The following DMTN variants were observed in gnomAD, a reference collection of about 807,000 sequenced individuals.
DMTN encodes the protein dematin actin binding protein, also known as dematin.
In DMTN, 27 loss-of-function variants were observed where a neutral mutation model predicts 59.4. The observed-to-expected ratio is 0.45, with a 90% CI of 0.33 to 0.63. The LOEUF is 0.63. Ranked by LOEUF, DMTN falls within the 20% of genes least tolerant of loss-of-function variation. The pLI is 0.02. For synonymous variants in DMTN, 221 were observed against 203.7 expected (o/e 1.08, Z -0.72); for missense variants, 451 against 528.9 (o/e 0.85, Z 1.45).
At position 22,067,078 on chromosome 8, in the gene DMTN, T is replaced by A; in HGVS notation, c.19-7T>A. 6 of 1,518,978 alleles carry A rather than the reference T, an allele frequency of 4.0e-6. No homozygotes were observed. The highest frequency in any genetic ancestry group is 4.4e-6 in the Non-Finnish European group (5 of 1,124,890). The allele number at this position is 1,518,978 out of a possible 1,614,324, so 94.1% of individuals were successfully genotyped here. On this transcript the variant is annotated splice_region_variant and splice_polypyrimidine_tract_variant and intron_variant, in intron 2 of 15. Coordinates refer to ENST00000358242, the MANE Select transcript of DMTN (RefSeq NM_001387751.1). ...TGCCCACCCGCCCGCCTTCTCGCTC[T>A]CCCCAGCAACCACTTACCTCCCCCG...
upstream of DMTN, among the ~76,000 whole-genome samples, chr8:22,053,365 C>A (rs572689476): frequency 1.3e-4 from 20 of 152,314 alleles, no homozygotes; most frequent in African/African-American, 4.8e-4. Context: ...GCACATGGCT[C>A]CCAATCTCTG....
chr8:22,057,647 G>A (rs1803433244), intron 1 of DMTN, among the ~76,000 whole-genome samples: 1 of 152,158 alleles, frequency 6.6e-6, no homozygotes, highest in Non-Finnish European at 1.5e-5. Flanking sequence ...GGGTGGGGCT[G>A]AGTGAAGAGT....
chr8:22,065,181 A>G (rs1476061772), intron 1 of DMTN, among the ~76,000 whole-genome samples: 1 of 152,178 alleles, frequency 6.6e-6, no homozygotes, highest in Non-Finnish European at 1.5e-5. Context: ...CTACAGCTGC[A>G]TATCACTACA....
intron 12 of DMTN, 62 bp downstream of exon 12, chr8:22,080,522 C>T (rs763870915): frequency 6.8e-6 from 11 of 1,613,962 alleles, no homozygotes; most frequent in East Asian, 2.2e-5. Flanking sequence ...CCTGGGCAGC[C>T]GGGGTCTGGG....
chr8:22,075,302 C>T (rs1818874547), intron 10 of DMTN, among the ~76,000 whole-genome samples: 1 of 151,572 alleles, frequency 6.6e-6, no homozygotes, highest in South Asian at 2.1e-4. Flanking sequence ...GCTAGACCCT[C>T]CTCCTCCCCC....
rs576386712 is a variant in DMTN, at chr8:22,070,219, C to T, written c.489C>T (p.Ile163=). ...VGGSPQTKHL[I]EDLIIESSKF... Reference sequence around the variant, plus strand: ...GCAGCCCTCAGACCAAGCACCTCATCGAGGATCTCATCATCGAGTCATCCA... The same window carrying T: ...GCAGCCCTCAGACCAAGCACCTCATTGAGGATCTCATCATCGAGTCATCCA... Residue 163 remains isoleucine, a synonymous_variant, in exon 8 of 16, where the codon ATC becomes ATT. Transcript: ENST00000358242. The T allele has an allele frequency of 6.9e-5, 111 of 1,608,414 alleles. No individual in the cohort carries two copies. In the South Asian group the frequency reaches 9.9e-4, roughly 14 times the overall value.
rs1204875211 is a variant in DMTN, at chr8:22,082,259, A to G, written c.*796A>G. The G allele has an allele frequency of 2.2e-6, 1 of 456,408 alleles. No individual in the cohort carries two copies. The highest frequency in any genetic ancestry group is 2.0e-5 in the African/African-American group (1 of 49,930). 28.3% of individuals were successfully genotyped at this position (456,408 alleles called of 1,614,324 possible). On this transcript the variant is annotated 3_prime_UTR_variant, in exon 16 of 16. Transcript: ENST00000358242. ...GTCCTGGCTACCAGCTCTCACCTAC[A>G]CCCACGCACCCCCCCACACACTATG...
Position 22,067,593 on chromosome 8 carries a change from C to T in DMTN, c.160C>T (p.Leu54=). Residue 54 remains leucine (L), a synonymous_variant, in exon 4 of 16, where the codon CTG becomes TTG. Coordinates refer to ENST00000358242, the MANE Select transcript of DMTN (RefSeq NM_001387751.1). ...TGCCATCCCCAAGGACAAGGCCATC[C>T]TGGACATCGAGCGGCCCGACCTCAT... ...LAAIPKDKAI[L]DIERPDLMIY... is the part of the protein sequence containing the mutation. 1 of 1,614,212 alleles carries T rather than the reference C, an allele frequency of 6.2e-7. No homozygotes were observed. The highest frequency in any genetic ancestry group is 8.5e-7 in the Non-Finnish European group (1 of 1,180,042).
chr8:22,080,065 C>T (rs977831957), intron 10 of DMTN, 115 bp from the exon 11 acceptor site: 1 of 1,209,658 alleles, frequency 8.3e-7, no homozygotes, highest in Non-Finnish European at 1.2e-6. Flanking sequence ...CAGGTTCCCC[C>T]CAGCGTGATC....
At chr8:22,070,027 G>T in intron 7 of DMTN, 90 bp downstream of exon 7, 1 of 1,579,250 alleles carries the variant, frequency 6.3e-7, no homozygotes, top group South Asian at 1.1e-5. Context: ...GAGGGGGTCG[G>T]GAGGATAGCA....
chr8:22,050,853 G>A (rs1233176968), upstream of DMTN, among the ~76,000 whole-genome samples: 1 of 152,204 alleles, frequency 6.6e-6, no homozygotes, highest in Non-Finnish European at 1.5e-5. Context: ...CAGTGTCCAG[G>A]CACTGCCATT....
At chr8:22,080,306 G>A in intron 11 of DMTN, 62 bp downstream of exon 11, 1 of 1,613,476 alleles carries the variant, frequency 6.2e-7, no homozygotes, top group Non-Finnish European at 8.5e-7. Flanking sequence ...GGGTGCTGAG[G>A]GACTGAGCCA....
At chr8:22,065,827 CT>C (rs76626050) in intron 1 of DMTN, among the ~76,000 whole-genome samples, 29 of 74,588 alleles carry the variant, frequency 3.9e-4, no homozygotes, top group African/African-American at 1.5e-3. Flanking sequence ...AGAGCAAGAC[CT>C]TTTTTTTTTT....
intron 1 of DMTN, among the ~76,000 whole-genome samples, chr8:22,059,674 TGAG>T (rs1407614705): frequency 1.3e-5 from 2 of 152,164 alleles, no homozygotes; most frequent in Non-Finnish European, 2.9e-5. Context: ...CATCTCTAAA[TGAG>T]GAGAATGTCG....
At chr8:22,069,841 A>G in intron 6 of DMTN, 40 bp from the exon 7 acceptor site, 2 of 1,608,664 alleles carry the variant, frequency 1.2e-6, no homozygotes, top group Non-Finnish European at 1.7e-6. Context: ...CCTCCCTGCC[A>G]TCAGCATGTC....
chr8:22,065,330 T>G (rs906700698), intron 1 of DMTN, among the ~76,000 whole-genome samples: 5 of 152,238 alleles, frequency 3.3e-5, no homozygotes, highest in Non-Finnish European at 5.9e-5. Context: ...CTCCTGCGAT[T>G]AGCAGTCTGT....
intron 14 of DMTN, 29 bp from the exon 15 acceptor site, chr8:22,081,084 C>T: frequency 1.3e-6 from 2 of 1,570,276 alleles, no homozygotes; most frequent in Non-Finnish European, 1.8e-6. Flanking sequence ...ATTCTGTGAG[C>T]CTAAGATTGC....
rs1247770546 is a variant in DMTN, at chr8:22,056,998, TC to T, written c.-308del. On this transcript the variant is annotated 5_prime_UTR_variant, in exon 1 of 16. Transcript: ENST00000358242. ...CCGGCATTTTTCCTGTTATTTGTGCTCCGGGGAAGCGCCGCGGGGTTCCTGG... is the reference window on the plus strand; with the variant it reads ...CCGGCATTTTTCCTGTTATTTGTGCTCGGGGAAGCGCCGCGGGGTTCCTGG... 2 of 142,310 alleles carry T rather than the reference TC, an allele frequency of 1.4e-5. No homozygotes were observed. The highest frequency in any genetic ancestry group is 6.9e-5 in the Admixed American group (1 of 14,454). The allele number at this position is 142,310 out of a possible 1,614,324, so 8.8% of individuals were successfully genotyped here. A position where few individuals can be genotyped will look rare whatever the true frequency, so the allele number is the denominator to read the frequency against.
rs1424787293 is a variant in DMTN at position 22,066,701 on chromosome 8, G to T, written c.-171-4G>T. ...GGCGCGGCCTCCCTCCCTTCTCCCC[G>T]CAGCCTGGAGAGTCACCGCCGAGGG... On this transcript the variant is annotated splice_polypyrimidine_tract_variant and splice_region_variant and intron_variant, in intron 1 of 15. Coordinates refer to ENST00000358242, the MANE Select transcript of DMTN (RefSeq NM_001387751.1). 2 of 621,434 alleles carry T rather than the reference G, an allele frequency of 3.2e-6. No homozygotes were observed. The highest frequency in any genetic ancestry group is 4.5e-6 in the Non-Finnish European group (2 of 442,066). The allele number at this position is 621,434 out of a possible 1,614,324, so 38.5% of individuals were successfully genotyped here.
Sources: allele counts gnomAD v4.1 joint callset (sites outside exome capture counted in the v4.1 genomes callset), GRCh38; gene constraint gnomAD v4.1.1; transcripts MANE v1.5; gene names NCBI Gene and HGNC (gene_info 2026-07-23, HGNC 2026-07-21).